The following SNTG2 variants were observed in gnomAD, a reference collection of about 807,000 sequenced individuals.
SNTG2 encodes gamma-2-syntrophin.
A neutral mutation model predicts 70.9 loss-of-function variants in SNTG2; 74 were observed. The ratio of observed to expected loss-of-function variants is 1.04; its 90% confidence interval spans 0.86 to 1.27. The LOEUF is 1.27. Among genes scored for constraint, SNTG2 ranks in the 50% most tolerant of loss-of-function variants. The probability of loss-of-function intolerance (pLI) is 0.00; values close to 1 mark genes in which losing one functional copy is unlikely to be tolerated. For missense variants in SNTG2, 717 were observed against 690.7 expected, an observed-to-expected ratio of 1.04 and a Z score of -0.43; for synonymous variants, 278 against 273.8, an observed-to-expected ratio of 1.02 and a Z score of -0.15.
At chr2:1,136,124 CAT>C (rs891898575) in intron 4 of SNTG2, among the ~76,000 whole-genome samples, 1 of 152,124 alleles carries the variant, frequency 6.6e-6, no homozygotes, top group African/African-American at 2.4e-5. Context: ...ATGGAATCCA[CAT>C]ATTCTGTGTG....
At chr2:1,239,062 C>T (rs1050973067) in intron 10 of SNTG2, among the ~76,000 whole-genome samples, 3 of 152,180 alleles carry the variant, frequency 2.0e-5, no homozygotes, top group Non-Finnish European at 2.9e-5. Context: ...AGTTTTCAAA[C>T]GCAACACTTT....
chr2:1,035,168 A>C (rs1661061396), intron 1 of SNTG2, among the ~76,000 whole-genome samples: 1 of 152,254 alleles, frequency 6.6e-6, no homozygotes, highest in Non-Finnish European at 1.5e-5. Flanking sequence ...GAAATTAATG[A>C]GAACAAAGAT....
At chr2:1,328,870 T>C (rs777259075) in intron 16 of SNTG2, among the ~76,000 whole-genome samples, 3 of 151,270 alleles carry the variant, frequency 2.0e-5, no homozygotes, top group Non-Finnish European at 4.4e-5. Context: ...TACACACACA[T>C]ACACATGCAC....
chr2:1,026,538 T>C (rs1202227506), intron 1 of SNTG2, among the ~76,000 whole-genome samples: 1 of 152,150 alleles, frequency 6.6e-6, no homozygotes, highest in African/African-American at 2.4e-5. Flanking sequence ...GAGGGAGATA[T>C]CATTGTACGG....
chr2:1,038,496 T>C (rs1362984911), intron 1 of SNTG2, among the ~76,000 whole-genome samples: 2 of 152,222 alleles, frequency 1.3e-5, no homozygotes, highest in Non-Finnish European at 2.9e-5. Context: ...TAGCCCCTCC[T>C]ACAGTTCTGT....
intron 8 of SNTG2, among the ~76,000 whole-genome samples, chr2:1,199,653 A>T (rs1443877817): frequency 6.6e-6 from 1 of 152,088 alleles, no homozygotes; most frequent in African/African-American, 2.4e-5. Context: ...TCTTAATACT[A>T]ATAAAATATT....
intron 6 of SNTG2, among the ~76,000 whole-genome samples, chr2:1,142,155 CTCTA>C (rs1217977231): frequency 6.6e-6 from 1 of 152,212 alleles, no homozygotes; most frequent in African/African-American, 2.4e-5. Flanking sequence ...TAAGTCCAGT[CTCTA>C]TCCACCTGAC....
In SNTG2 at chr2:1,084,157, A is replaced by G. The variant is rs77240139; in HGVS notation, c.210+502A>G. Among the ~76,000 whole-genome samples the G allele has an allele frequency of 6.0e-3, 912 of 152,320 alleles. 16 individuals carry two copies. Among genetic ancestry groups the G allele is most frequent in the African/African-American group, 0.021 (863 of 41,558 alleles). ...AAAACCATTTCCATTCCTACGTTCT[A>G]GGCTGGCCCTTTCTGGGGGCACAGG... is the stretch of plus-strand genomic sequence containing the variant. On this transcript the variant is annotated intron_variant, in intron 2 of 16. Transcript: ENST00000308624.
rs1172252280 is a variant in SNTG2 at position 1,222,115 on chromosome 2, G to GTCTCTC, written c.719+12889_719+12894dup. 9.1e-5 allele frequency among the ~76,000 whole-genome samples: 2 copies of GTCTCTC among 22,076 alleles called. 1 individual carries two copies. The highest frequency in any genetic ancestry group is 9.0e-4 in the Admixed American group (2 of 2,222). 14.5% of individuals were successfully genotyped at this position (22,076 alleles called of 152,430 possible). A position where few individuals can be genotyped will look rare whatever the true frequency, so the allele number is the denominator to read the frequency against. ...TCTCTGTCTCTCTCTGTCTCTCTCT[G>GTCTCTC]TCTCTCTCTGTCTCTCTCTGTCTCT... On this transcript the variant is annotated intron_variant, in intron 9 of 16. Transcript: ENST00000308624.
intron 1 of SNTG2, among the ~76,000 whole-genome samples, chr2:958,402 C>T (rs1374403425): frequency 6.6e-6 from 1 of 152,152 alleles, no homozygotes; most frequent in Non-Finnish European, 1.5e-5. Flanking sequence ...CAGCCCCTCC[C>T]CACACACATA....
intron 9 of SNTG2, among the ~76,000 whole-genome samples, chr2:1,212,179 T>C (rs1674090426): frequency 1.3e-5 from 2 of 152,160 alleles, no homozygotes; most frequent in East Asian, 3.9e-4. Flanking sequence ...ATGAATGGGT[T>C]AGCAAAATCT....
chr2:1,178,572 T>C (rs1211877045), intron 8 of SNTG2, among the ~76,000 whole-genome samples: 1 of 152,208 alleles, frequency 6.6e-6, no homozygotes, highest in Non-Finnish European at 1.5e-5. Flanking sequence ...ATGTGGTTTT[T>C]GTCATTGGTT....
At chr2:1,074,568 AAAGAT>A (rs776432962) in intron 1 of SNTG2, among the ~76,000 whole-genome samples, 5 of 152,228 alleles carry the variant, frequency 3.3e-5, no homozygotes, top group Admixed American at 1.3e-4. Context: ...ATAAAAATGA[AAAGAT>A]AAGACTATTT....
chr2:1,302,539 C>A, intron 14 of SNTG2, among the ~76,000 whole-genome samples: 1 of 99,114 alleles, frequency 1.0e-5, no homozygotes. Context: ...AATTGGAATG[C>A]TAAAAAAAAA....
chr2:1,250,244 GTTTC>G (rs1242976690), intron 12 of SNTG2, among the ~76,000 whole-genome samples: 1 of 152,164 alleles, frequency 6.6e-6, no homozygotes, highest in Non-Finnish European at 1.5e-5. Context: ...GTTTGTTAGG[GTTTC>G]TTTCTTGGTC....
chr2:1,195,048 G>T (rs558487270), intron 8 of SNTG2, among the ~76,000 whole-genome samples: 30 of 152,260 alleles, frequency 2.0e-4, no homozygotes, highest in Non-Finnish European at 3.5e-4. Context: ...TCCAGCAAAA[G>T]ACATGAATTC....
chr2:1,113,887 GA>G (rs1223758473), intron 4 of SNTG2, among the ~76,000 whole-genome samples: 18 of 151,512 alleles, frequency 1.2e-4, no homozygotes, highest in African/African-American at 4.4e-4. Context: ...CTTTCAGAGG[GA>G]TGGTGTGTAC....
intron 1 of SNTG2, among the ~76,000 whole-genome samples, chr2:978,325 G>A (rs781689746): frequency 8.5e-5 from 13 of 152,094 alleles, no homozygotes; most frequent in Non-Finnish European, 1.9e-4. Context: ...AAGTGATTCA[G>A]GCATTATTCA....
chr2:1,154,034 A>T (rs1390642025), intron 6 of SNTG2, among the ~76,000 whole-genome samples: 1 of 152,272 alleles, frequency 6.6e-6, no homozygotes, highest in Non-Finnish European at 1.5e-5. Flanking sequence ...AATGTTACTT[A>T]TATAAGCAAA....
Sources: allele counts gnomAD v4.1 joint callset (sites outside exome capture counted in the v4.1 genomes callset), GRCh38; gene constraint gnomAD v4.1.1; transcripts MANE v1.5; gene names NCBI Gene and HGNC (gene_info 2026-07-23, HGNC 2026-07-21).